ANK2: variants seen among roughly 807,000 people sequenced by gnomAD.
The protein encoded by ANK2 is ankyrin 2, also known as ankyrin-2.
A neutral mutation model predicts 360.5 loss-of-function variants in ANK2; 83 were observed. The ratio of observed to expected loss-of-function variants is 0.23; its 90% CI spans 0.19 to 0.28. The LOEUF (loss-of-function observed/expected upper bound fraction) is 0.28. Ranked by LOEUF, ANK2 falls within the 10% of genes least tolerant of loss-of-function variation. The pLI, the probability that ANK2 is intolerant of heterozygous loss-of-function variation, is 1.00. For synonymous variants in ANK2, 1,740 were observed against 1,759.5 expected (o/e 0.99, Z 0.28); for missense variants, 4,201 against 4,795.7 (o/e 0.88, Z 3.66).
chr4:112,984,230 G>A (rs1358354930), intron 2 of ANK2, among the ~76,000 whole-genome samples: 2 of 152,186 alleles, frequency 1.3e-5, no homozygotes, highest in African/African-American at 2.4e-5. Context: ...AGGATCAGGA[G>A]GTTTGGTCAG....
chr4:113,256,355 A>G lies in ANK2; in HGVS notation c.1188+423A>G, dbSNP rs1396593038. 1.4e-4 allele frequency among the ~76,000 whole-genome samples: 22 copies of G among 152,332 alleles called. No homozygotes were observed. The East Asian group carries it at 2.5e-3, about 17-fold the overall frequency. ...AAATTAATGGTGAATATATTTGACT[A>G]TGTAAGGGGGTATAAAATGTAAGTC... On this transcript the variant is annotated intron_variant, in intron 11 of 45. Transcript: ENST00000357077.
At chr4:112,944,541 AC>A (rs1213881937) in intron 2 of ANK2, among the ~76,000 whole-genome samples, 1 of 152,118 alleles carries the variant, frequency 6.6e-6, no homozygotes, top group South Asian at 2.1e-4. Flanking sequence ...GAGCTTATTA[AC>A]CCTAATTTTG....
chr4:113,231,992 A>T (rs1008597711), intron 4 of ANK2, among the ~76,000 whole-genome samples, 169 bp from the exon 5 acceptor site: 23 of 152,192 alleles, frequency 1.5e-4, no homozygotes, highest in South Asian at 2.1e-4. Flanking sequence ...GGAATTGTGT[A>T]TGGGGCTTGA....
intron 2 of ANK2, among the ~76,000 whole-genome samples, chr4:113,033,606 C>T (rs1009457405): frequency 6.6e-5 from 10 of 150,696 alleles, no homozygotes; most frequent in East Asian, 3.9e-4. Context: ...TGTGTGTGTG[C>T]GTGTGTGTGT....
chr4:112,911,147 T>A (rs1447952855), intron 2 of ANK2, among the ~76,000 whole-genome samples: 1 of 149,632 alleles, frequency 6.7e-6, no homozygotes, highest in Non-Finnish European at 1.5e-5. Flanking sequence ...TAGTAGAGAC[T>A]TTAGTAGAGA....
intron 1 of ANK2, among the ~76,000 whole-genome samples, chr4:113,118,172 T>TG (rs2095022340): frequency 6.6e-6 from 1 of 152,212 alleles, no homozygotes; most frequent in Middle Eastern, 3.2e-3. Flanking sequence ...TACAACTTGA[T>TG]GGAACTGAAA....
intron 23 of ANK2, among the ~76,000 whole-genome samples, chr4:113,303,982 T>A (rs2076130458): frequency 6.6e-6 from 1 of 152,226 alleles, no homozygotes. Context: ...AATCACCTAT[T>A]GGTAGTATGT....
At chr4:113,156,368 A>ATTTTTTTTTTTTTTTTTTT (rs1218946870) in intron 1 of ANK2, among the ~76,000 whole-genome samples, 1 of 79,138 alleles carries the variant, frequency 1.3e-5, no homozygotes, top group Non-Finnish European at 2.7e-5. Context: ...ATGTAGAAAA[A>ATTTTTTTTTTTTTTTTTTT]TTCTTTTTTT....
chr4:113,361,245 A>G (rs1406937793), intron 39 of ANK2, among the ~76,000 whole-genome samples: 4 of 152,166 alleles, frequency 2.6e-5, no homozygotes, highest in African/African-American at 9.6e-5. Flanking sequence ...TTAATGTGAG[A>G]TTTAACCAGG....
chr4:113,146,909 A>G (rs2096856850), intron 1 of ANK2, among the ~76,000 whole-genome samples: 1 of 152,216 alleles, frequency 6.6e-6, no homozygotes, highest in Admixed American at 6.5e-5. Flanking sequence ...TACTTGCCTG[A>G]TATTTCCAGG....
the ANK2 span, among the ~76,000 whole-genome samples, chr4:112,743,917 C>T: frequency 3.9e-5 from 6 of 152,154 alleles, no homozygotes; most frequent in East Asian, 3.9e-4. Context: ...CAACCTCTGC[C>T]TGCCGGGTTC....
intron 1 of ANK2, among the ~76,000 whole-genome samples, chr4:112,859,062 C>G (rs993183782): frequency 1.3e-5 from 2 of 152,204 alleles, no homozygotes; most frequent in South Asian, 2.1e-4. Context: ...GCACTCTGCA[C>G]TCTTCCTAGA....
At chr4:113,175,618 A>G (rs1055333765) in intron 2 of ANK2, among the ~76,000 whole-genome samples, 1 of 152,190 alleles carries the variant, frequency 6.6e-6, no homozygotes, top group African/African-American at 2.4e-5. Flanking sequence ...GTCCACTTTG[A>G]TCAATTCTCC....
At chr4:113,058,840 G>A (rs1223961695) in intron 1 of ANK2, among the ~76,000 whole-genome samples, 1 of 152,148 alleles carries the variant, frequency 6.6e-6, no homozygotes, top group Non-Finnish European at 1.5e-5. Flanking sequence ...AAATTAATGT[G>A]AATGTCTGTC....
chr4:113,030,563 G>A (rs950477022), intron 2 of ANK2, among the ~76,000 whole-genome samples: 5 of 152,034 alleles, frequency 3.3e-5, no homozygotes, highest in African/African-American at 1.2e-4. Flanking sequence ...CTTTTGTAAT[G>A]TAAATGCAGG....
intron 26 of ANK2, among the ~76,000 whole-genome samples, chr4:113,325,857 T>C (rs2089527593): frequency 6.6e-6 from 1 of 152,224 alleles, no homozygotes; most frequent in Non-Finnish European, 1.5e-5. Flanking sequence ...TTATTTTTCA[T>C]TGCCAGGTGA....
chr4:112,799,486 T>C, the ANK2 span, among the ~76,000 whole-genome samples: 1 of 151,846 alleles, frequency 6.6e-6, no homozygotes, highest in East Asian at 1.9e-4. Context: ...TTTTTTCCTT[T>C]CTTTTAAAAT....
chr4:113,324,891 A>T (rs565631185), intron 26 of ANK2, among the ~76,000 whole-genome samples: 1 of 152,252 alleles, frequency 6.6e-6, no homozygotes, highest in East Asian at 1.9e-4. Flanking sequence ...AATAAAACTA[A>T]AGGAATAGTA....
intron 1 of ANK2, among the ~76,000 whole-genome samples, chr4:112,861,874 T>C (rs1484530854): frequency 2.7e-5 from 2 of 72,848 alleles, no homozygotes; most frequent in African/African-American, 1.0e-4. Flanking sequence ...AGAGAAACTC[T>C]CACAGTTTAT....
Sources: gnomAD v4.1 joint callset for allele counts (sites outside exome capture counted in the v4.1 genomes callset) on GRCh38, gnomAD v4.1.1 for gene constraint, MANE v1.5 for transcripts, NCBI Gene and HGNC (gene_info 2026-07-23, HGNC 2026-07-21) for gene names.